The following UNC13C variants were observed in gnomAD, a reference collection of about 807,000 sequenced individuals.
UNC13C encodes unc-13 homolog C, also known as protein unc-13 homolog C.
UNC13C carries 174 observed loss-of-function variants against 245.4 expected under a neutral mutation model. The observed-to-expected ratio is 0.71, with a 90% CI of 0.63 to 0.80. The LOEUF is 0.80. Among genes scored for constraint, UNC13C ranks in the 30% least tolerant of loss-of-function variants. The pLI is 0.00. For missense variants in UNC13C, 2,829 were observed against 2,602.9 expected (o/e 1.09, Z -1.89); for synonymous variants, 992 against 895.1 (o/e 1.11, Z -1.93).
the UNC13C span, among the ~76,000 whole-genome samples, chr15:53,865,718 C>A: frequency 6.6e-6 from 1 of 151,974 alleles, no homozygotes; most frequent in Non-Finnish European, 1.5e-5. Context: ...ATTTAATAAT[C>A]AATAAAAATC....
chr15:54,500,053 T>C, intron 20 of UNC13C, 26 bp from the exon 21 acceptor site: 2 of 1,516,104 alleles, frequency 1.3e-6, no homozygotes, highest in Non-Finnish European at 1.8e-6. Context: ...TCCTTTGTGG[T>C]ATGTAACATT....
intron 4 of UNC13C, among the ~76,000 whole-genome samples, chr15:54,170,336 G>GA (rs1303573924): frequency 2.0e-5 from 3 of 151,986 alleles, no homozygotes; most frequent in African/African-American, 7.2e-5. Flanking sequence ...GAAAAAAACA[G>GA]AATCATTTAG....
chr15:54,157,486 G>A (rs957088002), intron 4 of UNC13C, among the ~76,000 whole-genome samples: 2 of 152,242 alleles, frequency 1.3e-5, no homozygotes, highest in East Asian at 3.9e-4. Context: ...GTAAATCCTT[G>A]CTCATGGTGA....
chr15:53,877,169 A>T, the UNC13C span, among the ~76,000 whole-genome samples: 1 of 152,192 alleles, frequency 6.6e-6, no homozygotes, highest in African/African-American at 2.4e-5. Flanking sequence ...TATGCCAAAA[A>T]TCCGTGTTAA....
intron 30 of UNC13C, among the ~76,000 whole-genome samples, chr15:54,606,614 G>A (rs1366479885): frequency 6.6e-6 from 1 of 152,216 alleles, no homozygotes; most frequent in Non-Finnish European, 1.5e-5. Context: ...GGTGAACTAA[G>A]TGCTTTACAT....
intron 2 of UNC13C, among the ~76,000 whole-genome samples, chr15:54,083,739 C>T (rs1357923836): frequency 6.6e-6 from 1 of 152,126 alleles, no homozygotes. Context: ...TCTAGGGACC[C>T]CACAGCTCCC....
At chr15:54,050,496 T>C (rs377170771) in intron 2 of UNC13C, 3 of 527,690 alleles carry the variant, frequency 5.7e-6, no homozygotes, top group East Asian at 1.0e-4. Flanking sequence ...TTTTTATTTG[T>C]CCACCTTCTC....
chr15:53,896,143 A>G, the UNC13C span, among the ~76,000 whole-genome samples: 1 of 152,028 alleles, frequency 6.6e-6, no homozygotes, highest in East Asian at 1.9e-4. Flanking sequence ...TTCTCTAGTC[A>G]TCTTCATGAA....
chr15:54,023,034 G>A (rs1198191720), intron 2 of UNC13C, among the ~76,000 whole-genome samples: 1 of 152,198 alleles, frequency 6.6e-6, no homozygotes, highest in African/African-American at 2.4e-5. Context: ...GTGTTTAAGT[G>A]TATTCTGGTG....
chr15:54,449,507 C>T (rs557822828), intron 19 of UNC13C, among the ~76,000 whole-genome samples: 76 of 152,220 alleles, frequency 5.0e-4, no homozygotes, highest in Non-Finnish European at 9.6e-4. Flanking sequence ...CTTCTCTTCT[C>T]GCTTCATTTA....
intron 13 of UNC13C, among the ~76,000 whole-genome samples, chr15:54,318,147 G>A (rs1406733674): frequency 6.6e-6 from 1 of 151,890 alleles, no homozygotes; most frequent in Non-Finnish European, 1.5e-5. Flanking sequence ...AGATACTTAG[G>A]TTGATTCTAT....
At position 54,300,304 on chromosome 15, in the gene UNC13C, A is replaced by T. The variant is rs761593391; in HGVS notation, c.4199A>T (p.Asp1400Val). Residue 1400 changes from aspartate (D) to valine (V), a missense_variant, in exon 13 of 33, where the codon GAT becomes GTT. Asp to Val is a radical substitution (Grantham distance 152). Coordinates refer to ENST00000260323, the MANE Select transcript of UNC13C (RefSeq NM_001080534.3). ...GDEAWKVFFD[D>V]ASQEIVDEFA... Reference sequence around the variant, plus strand: ...GAAGCCTGGAAGGTTTTCTTTGATGATGCTTCCCAAGAAATAGTTGATGAA... The same window carrying T: ...GAAGCCTGGAAGGTTTTCTTTGATGTTGCTTCCCAAGAAATAGTTGATGAA... 6.3e-7 allele frequency: 1 copy of T among 1,589,240 alleles called. No homozygotes were observed. The highest frequency in any genetic ancestry group is 1.1e-5 in the South Asian group (1 of 87,290).
intron 10 of UNC13C, among the ~76,000 whole-genome samples, chr15:54,272,470 A>G (rs909232818): frequency 1.3e-5 from 2 of 152,222 alleles, no homozygotes; most frequent in African/African-American, 2.4e-5. Flanking sequence ...TTCCTAGGCT[A>G]TGTGGGAAGG....
intron 4 of UNC13C, among the ~76,000 whole-genome samples, chr15:54,179,206 T>G (rs2033715900): frequency 6.6e-6 from 1 of 152,120 alleles, no homozygotes; most frequent in Non-Finnish European, 1.5e-5. Flanking sequence ...AACCAGATCC[T>G]TTATGTTTCC....
intron 29 of UNC13C, among the ~76,000 whole-genome samples, chr15:54,560,057 T>C (rs1897238906): frequency 6.6e-6 from 1 of 151,932 alleles, no homozygotes; most frequent in South Asian, 2.1e-4. Context: ...GTCAAATAAT[T>C]TCTAAAAAAA....
chr15:54,486,045 T>A (rs565248271), intron 19 of UNC13C, among the ~76,000 whole-genome samples: 128 of 152,238 alleles, frequency 8.4e-4, no homozygotes, highest in African/African-American at 2.9e-3. Context: ...CTGCCACTTG[T>A]CACTATATTA....
intron 4 of UNC13C, among the ~76,000 whole-genome samples, chr15:54,211,604 C>A (rs1206084443): frequency 6.6e-6 from 1 of 152,054 alleles, no homozygotes; most frequent in East Asian, 1.9e-4. Flanking sequence ...AGCTCCAGTG[C>A]ACCACTGGTT....
chr15:53,909,420 A>G, the UNC13C span, among the ~76,000 whole-genome samples: 1 of 146,714 alleles, frequency 6.8e-6, no homozygotes, highest in African/African-American at 2.4e-5. Context: ...CCTACTTCAC[A>G]TTTTAGGGAT....
Position 54,500,988 on chromosome 15 carries a change from AT to A in UNC13C, c.5301+11del. The A allele has an allele frequency of 1.2e-6, 2 of 1,610,764 alleles. No homozygotes were observed. Among genetic ancestry groups the A allele is most frequent in the South Asian group, 2.2e-5 (2 of 90,680 alleles). On this transcript the variant is annotated intron_variant, in intron 22 of 32. Transcript: ENST00000260323. ...GAGAAGATTTGCAAAGGTAGGTTAAATAAAATGAGTCTTCTTTTTCTCTGGG... is the reference window on the plus strand; with the variant it reads ...GAGAAGATTTGCAAAGGTAGGTTAAAAAAATGAGTCTTCTTTTTCTCTGGG...
Sources: gnomAD v4.1 joint callset for allele counts (sites outside exome capture counted in the v4.1 genomes callset) on GRCh38, gnomAD v4.1.1 for gene constraint, MANE v1.5 for transcripts, NCBI Gene and HGNC (gene_info 2026-07-23, HGNC 2026-07-21) for gene names.